The following ZDHHC7 variants were observed in gnomAD, a reference collection of about 807,000 sequenced individuals.
The protein encoded by ZDHHC7 is palmitoyltransferase ZDHHC7.
In ZDHHC7, 12 loss-of-function variants were observed where a neutral mutation model predicts 34.1. The ratio of observed to expected loss-of-function variants is 0.35; its 90% CI spans 0.23 to 0.57. The LOEUF is 0.57. ZDHHC7 is among the 20% of genes least tolerant of loss of function. The probability of loss-of-function intolerance (pLI) is 0.84; values close to 1 mark genes in which losing one functional copy is unlikely to be tolerated. For synonymous variants in ZDHHC7, 185 were observed against 155.4 expected (o/e 1.19, Z -1.42); for missense variants, 388 against 402.7 (o/e 0.96, Z 0.31).
chr16:85,026,954 C>CA, the ZDHHC7 span, among the ~76,000 whole-genome samples: 1 of 152,258 alleles, frequency 6.6e-6, no homozygotes, highest in African/African-American at 2.4e-5. Flanking sequence ...GAGGGGCTGT[C>CA]AGTTTATGTT....
At chr16:85,005,206 A>G (rs1366219526) in intron 1 of ZDHHC7, among the ~76,000 whole-genome samples, 1 of 152,234 alleles carries the variant, frequency 6.6e-6, no homozygotes, top group African/African-American at 2.4e-5. Context: ...CAGAGCCTCA[A>G]TCAGGCTGGT....
chr16:84,981,998 C>T lies in ZDHHC7; in HGVS notation c.316-4G>A. ...CGTTTCCTTTGGGTACTGCCCCCTA[C>T]CATATAAGAAGAATGTACTTTAGTT... On this transcript the variant is annotated splice_polypyrimidine_tract_variant and splice_region_variant and intron_variant, in intron 3 of 7. Transcript: ENST00000313732. 6.2e-7 allele frequency: 1 copy of T among 1,614,018 alleles called. No individual in the cohort carries two copies. The highest frequency in any genetic ancestry group is 8.5e-7 in the Non-Finnish European group (1 of 1,179,954).
At chr16:84,984,751 T>C (rs901023241) in intron 3 of ZDHHC7, among the ~76,000 whole-genome samples, 27 of 152,148 alleles carry the variant, frequency 1.8e-4, no homozygotes, top group African/African-American at 6.3e-4. Flanking sequence ...TTCACGGGCA[T>C]GGTGTCCTGG....
chr16:84,988,565 C>T (rs559903614), intron 3 of ZDHHC7, among the ~76,000 whole-genome samples: 6 of 152,314 alleles, frequency 3.9e-5, no homozygotes, highest in East Asian at 3.9e-4. Context: ...ACTTCCTGGC[C>T]GCCTCCAGCT....
At chr16:85,009,709 C>CTTTTTTTTTTTTTT in intron 1 of ZDHHC7, among the ~76,000 whole-genome samples, 1 of 126,626 alleles carries the variant, frequency 7.9e-6, no homozygotes. Context: ...GACTTTTTTT[C>CTTTTTTTTTTTTTT]TTTTTTTTTT....
chr16:85,025,828 TA>T, the ZDHHC7 span, among the ~76,000 whole-genome samples: 10 of 152,246 alleles, frequency 6.6e-5, no homozygotes, highest in African/African-American at 2.4e-4. Context: ...TTTACACATT[TA>T]TACATTTCAC....
chr16:84,982,900 C>T (rs575235648), intron 3 of ZDHHC7, among the ~76,000 whole-genome samples: 1 of 152,320 alleles, frequency 6.6e-6, no homozygotes, highest in Non-Finnish European at 1.5e-5. Context: ...CAAGAGTCAC[C>T]CTACCAGCAC....
At chr16:84,979,949 C>CTTT (rs561019555) in intron 4 of ZDHHC7, among the ~76,000 whole-genome samples, 29 of 96,010 alleles carry the variant, frequency 3.0e-4, no homozygotes, top group South Asian at 7.9e-4. Flanking sequence ...ATAGCGTCAC[C>CTTT]TTTTTTTTTT....
At chr16:85,018,388 C>G in the ZDHHC7 span, among the ~76,000 whole-genome samples, 93,539 of 151,726 alleles carry the variant, frequency 0.62, 30,313 homozygotes, top group African/African-American at 0.82. Context: ...CTTGGTCTGG[C>G]TGCTGGTTAT....
chr16:85,015,675 C>A (rs941712193), upstream of ZDHHC7, among the ~76,000 whole-genome samples: 2 of 151,996 alleles, frequency 1.3e-5, no homozygotes, highest in African/African-American at 4.8e-5. Context: ...TAATGACACC[C>A]TGTCTACAAA....
At chr16:85,019,156 C>A in the ZDHHC7 span, among the ~76,000 whole-genome samples, 1 of 152,172 alleles carries the variant, frequency 6.6e-6, no homozygotes, top group Admixed American at 6.5e-5. Context: ...TCCCCGGTCC[C>A]CCATGTAAAA....
intron 5 of ZDHHC7, 108 bp downstream of exon 5, chr16:84,979,081 G>A (rs886618952): frequency 6.6e-6 from 7 of 1,066,666 alleles, no homozygotes; most frequent in African/African-American, 1.6e-5. Flanking sequence ...TGGAGAAAAG[G>A]CTGGAGAGAA....
intron 3 of ZDHHC7, among the ~76,000 whole-genome samples, chr16:84,987,714 C>A (rs1287217107): frequency 6.6e-6 from 1 of 152,198 alleles, no homozygotes; most frequent in Admixed American, 6.5e-5. Context: ...CATCAACTAA[C>A]GATGGCTATA....
chr16:84,997,234 G>A (rs1337450874), intron 1 of ZDHHC7, among the ~76,000 whole-genome samples: 2 of 148,346 alleles, frequency 1.3e-5, no homozygotes, highest in Admixed American at 6.8e-5. Context: ...ATTCTACAAC[G>A]AAAATACAAC....
At chr16:85,019,713 G>A in the ZDHHC7 span, among the ~76,000 whole-genome samples, 2 of 152,096 alleles carry the variant, frequency 1.3e-5, no homozygotes, top group East Asian at 1.9e-4. Context: ...GCAAGACTCT[G>A]TCTCCAATAA....
chr16:84,979,320 G>A (rs773094335), intron 4 of ZDHHC7, 35 bp from the exon 5 acceptor site: 24 of 1,598,416 alleles, frequency 1.5e-5, no homozygotes, highest in Non-Finnish European at 2.0e-5. Context: ...AGTATTCCAT[G>A]CTCTGAGGAA....
chr16:84,977,905 A>T lies in ZDHHC7; in HGVS notation c.619+19T>A. 1 of 1,601,374 alleles carries T rather than the reference A, an allele frequency of 6.2e-7. No homozygotes were observed. Among genetic ancestry groups the T allele is most frequent in the South Asian group, 1.1e-5 (1 of 90,198 alleles). On this transcript the variant is annotated intron_variant, in intron 6 of 7. Coordinates refer to ENST00000313732, the MANE Select transcript of ZDHHC7 (RefSeq NM_017740.3). ...AACAGCATGCAAAGCCAGGAATGAC[A>T]CATAGCCAGGGAACTTACCAGTCCA...
intron 3 of ZDHHC7, among the ~76,000 whole-genome samples, chr16:84,986,987 A>C (rs2072445095): frequency 6.6e-6 from 1 of 152,172 alleles, no homozygotes; most frequent in Non-Finnish European, 1.5e-5. Flanking sequence ...CCTTCAGAAA[A>C]GTAGACCTGG....
chr16:85,026,430 A>G, the ZDHHC7 span, among the ~76,000 whole-genome samples: 1 of 152,092 alleles, frequency 6.6e-6, no homozygotes, highest in South Asian at 2.1e-4. Flanking sequence ...CCAGCTTCAC[A>G]TGCATGGTGG....
Sources: gnomAD v4.1 joint callset for allele counts (sites outside exome capture counted in the v4.1 genomes callset) on GRCh38, gnomAD v4.1.1 for gene constraint, MANE v1.5 for transcripts, NCBI Gene and HGNC (gene_info 2026-07-23, HGNC 2026-07-21) for gene names.